GRID1: variants seen among roughly 807,000 people sequenced by gnomAD.
GRID1 encodes glutamate receptor ionotropic, delta-1.
In GRID1, 28 loss-of-function variants were observed where a neutral mutation model predicts 98.0. The ratio of observed to expected loss-of-function variants is 0.29; its 90% CI spans 0.21 to 0.39. The LOEUF is 0.39. Ranked by LOEUF, GRID1 falls within the 10% of genes least tolerant of loss-of-function variation. The pLI is 1.00. For synonymous variants in GRID1, 553 were observed against 538.5 expected, an observed-to-expected ratio of 1.03 and a Z score of -0.37; for missense variants, 1,111 against 1,340.5, an observed-to-expected ratio of 0.83 and a Z score of 2.67.
intron 3 of GRID1, among the ~76,000 whole-genome samples, chr10:86,196,368 A>G (rs965831940): frequency 1.3e-5 from 2 of 151,944 alleles, no homozygotes; most frequent in Non-Finnish European, 2.9e-5. Context: ...AAAAACGAGA[A>G]ATGGTCTGGG....
intron 2 of GRID1, among the ~76,000 whole-genome samples, chr10:86,217,074 T>G (rs1351296711): frequency 1.3e-5 from 2 of 152,272 alleles, no homozygotes; most frequent in East Asian, 1.9e-4. Context: ...AACTAATCAC[T>G]GAACCGCATG....
At chr10:85,714,163 T>C (rs1841612333) in intron 12 of GRID1, among the ~76,000 whole-genome samples, 1 of 149,190 alleles carries the variant, frequency 6.7e-6, no homozygotes, top group Non-Finnish European at 1.5e-5. Flanking sequence ...AACAGAAAAC[T>C]AAATACCACA....
At chr10:86,251,620 G>A (rs1488977729) in intron 2 of GRID1, among the ~76,000 whole-genome samples, 1 of 152,112 alleles carries the variant, frequency 6.6e-6, no homozygotes, top group Non-Finnish European at 1.5e-5. Context: ...TCAGGGCTGG[G>A]CACTGACCCA....
At chr10:85,761,538 T>C (rs1842147004) in intron 8 of GRID1, among the ~76,000 whole-genome samples, 1 of 152,108 alleles carries the variant, frequency 6.6e-6, no homozygotes, top group Admixed American at 6.5e-5. Context: ...AAATTAGCAA[T>C]TACACCGTTG....
chr10:85,650,290 G>T (rs879679812), intron 12 of GRID1: 1 of 152,210 alleles, frequency 6.6e-6, no homozygotes, highest in Non-Finnish European at 1.5e-5. Flanking sequence ...GCTTCACCAG[G>T]AGGAGGCTGT....
chr10:85,651,757 T>C (rs915143358), intron 12 of GRID1, among the ~76,000 whole-genome samples: 4 of 152,222 alleles, frequency 2.6e-5, no homozygotes, highest in African/African-American at 9.6e-5. Context: ...TGCCAGAGTC[T>C]GCACTGGCTC....
chr10:86,313,280 A>AG (rs1297360901), intron 2 of GRID1, among the ~76,000 whole-genome samples: 4 of 152,274 alleles, frequency 2.6e-5, no homozygotes, highest in Non-Finnish European at 2.9e-5. Flanking sequence ...GCCAGGCACC[A>AG]GGCCAAGCTC....
intron 5 of GRID1, among the ~76,000 whole-genome samples, chr10:85,898,939 T>C (rs1841337436): frequency 6.6e-6 from 1 of 152,254 alleles, no homozygotes; most frequent in Admixed American, 6.5e-5. Flanking sequence ...TTGTATGTAC[T>C]CTACTTTCTT....
intron 4 of GRID1, among the ~76,000 whole-genome samples, chr10:86,125,813 T>G (rs573385578): frequency 6.6e-6 from 1 of 152,190 alleles, no homozygotes; most frequent in Non-Finnish European, 1.5e-5. Context: ...ACTTAATGAG[T>G]AGTAAATATA....
intron 2 of GRID1, among the ~76,000 whole-genome samples, chr10:86,318,863 GAAAGCACTAAAAA>G (rs1272038439): frequency 1.3e-5 from 2 of 152,230 alleles, no homozygotes; most frequent in African/African-American, 2.4e-5. Flanking sequence ...TAGCAGGAGA[GAAAGCACTAAAAA>G]CTAAACAAGT....
At position 86,195,412 on chromosome 10, in the gene GRID1, T is replaced by C. The variant is rs1052694596; in HGVS notation, c.520+10952A>G. Among the ~76,000 whole-genome samples, 10 of 152,066 alleles carry C rather than the reference T, an allele frequency of 6.6e-5. No individual in the cohort carries two copies. Among genetic ancestry groups the C allele is most frequent in the African/African-American group, 2.4e-4 (10 of 41,426 alleles). ...TGCCAGAATAGCATGACCACAGCCG[T>C]CCTTGGCACCTCTTGATTTTCTAAT... On this transcript the variant is annotated intron_variant, in intron 3 of 15. Transcript: ENST00000327946. This position sits in a 1 kb window ranked among gnomAD's most constrained non-coding sequence, Gnocchi z 4.4.
intron 12 of GRID1, among the ~76,000 whole-genome samples, chr10:85,696,994 T>C (rs1841401816): frequency 6.6e-6 from 1 of 152,106 alleles, no homozygotes; most frequent in Non-Finnish European, 1.5e-5. Flanking sequence ...GAACATGTTA[T>C]GTATGATTTT....
chr10:85,716,170 G>A (rs1841636879), intron 12 of GRID1, among the ~76,000 whole-genome samples: 1 of 152,278 alleles, frequency 6.6e-6, no homozygotes, highest in South Asian at 2.1e-4. Flanking sequence ...GCCTCCCAAA[G>A]TGCTCGATTA....
intron 6 of GRID1, among the ~76,000 whole-genome samples, chr10:85,857,201 C>A (rs974918583): frequency 1.3e-5 from 2 of 152,212 alleles, no homozygotes; most frequent in African/African-American, 4.8e-5. Flanking sequence ...TGAGGACCAC[C>A]CTTCTGCTTA....
intron 4 of GRID1, among the ~76,000 whole-genome samples, chr10:86,004,195 T>C (rs1165515222): frequency 2.0e-5 from 3 of 152,232 alleles, no homozygotes; most frequent in Non-Finnish European, 4.4e-5. Flanking sequence ...CCCACATCTG[T>C]GATCTTACTC....
At chr10:85,660,648 C>T (rs557407736) in intron 12 of GRID1, among the ~76,000 whole-genome samples, 2 of 151,844 alleles carry the variant, frequency 1.3e-5, no homozygotes, top group East Asian at 3.9e-4. Flanking sequence ...GCTGTTCTGG[C>T]TGAAGTCTGG....
At chr10:86,051,308 CA>C (rs374035221) in intron 4 of GRID1, among the ~76,000 whole-genome samples, 1,211 of 104,338 alleles carry the variant, frequency 0.012, 13 homozygotes, top group African/African-American at 0.029. Context: ...AATTATATAC[CA>C]AAAAAAAAAA....
chr10:86,127,845 C>A (rs1400775015), intron 4 of GRID1, among the ~76,000 whole-genome samples: 1 of 152,150 alleles, frequency 6.6e-6, no homozygotes, highest in Non-Finnish European at 1.5e-5. Flanking sequence ...CCCAACAGCC[C>A]CAGATTGGTT....
At chr10:86,157,484 A>T (rs1845262554) in intron 3 of GRID1, among the ~76,000 whole-genome samples, 1 of 152,356 alleles carries the variant, frequency 6.6e-6, no homozygotes, top group Non-Finnish European at 1.5e-5. Flanking sequence ...TGCCTATGCC[A>T]TGCATGCTGG....
Sources: allele counts gnomAD v4.1 joint callset (sites outside exome capture counted in the v4.1 genomes callset), GRCh38; gene constraint gnomAD v4.1.1; non-coding constraint Gnocchi (gnomAD v3.1); transcripts MANE v1.5; gene names NCBI Gene and HGNC (gene_info 2026-07-23, HGNC 2026-07-21).